The following CHN1 variants were observed in gnomAD, a reference collection of about 807,000 sequenced individuals.
CHN1 encodes the protein chimerin 1.
Under a neutral mutation model 59.5 loss-of-function variants are expected in CHN1, and 37 were observed. The ratio of observed to expected loss-of-function variants is 0.62; its 90% CI spans 0.48 to 0.82. The LOEUF (loss-of-function observed/expected upper bound fraction) is 0.82. Ranked by LOEUF, CHN1 falls within the 40% of genes least tolerant of loss-of-function variation. CHN1 has a pLI of 0.00. For missense variants in CHN1, 469 were observed against 571.0 expected (o/e 0.82, Z 1.82); for synonymous variants, 206 against 200.4 (o/e 1.03, Z -0.24).
intron 6 of CHN1, chr2:174,847,800 A>T (rs933778146): frequency 2.0e-6 from 1 of 512,336 alleles, no homozygotes; most frequent in South Asian, 1.6e-5. Flanking sequence ...AAAAAAAAAA[A>T]ATCAGTGGGA....
intron 5 of CHN1, among the ~76,000 whole-genome samples, chr2:174,892,633 T>C (rs1214029356): frequency 6.6e-6 from 1 of 152,192 alleles, no homozygotes; most frequent in Non-Finnish European, 1.5e-5. Context: ...AGCATTACTG[T>C]GATACCAAAG....
rs375072055 is a variant in CHN1 at position 174,800,171 on chromosome 2, C to T, written c.1325G>A (p.Arg442Gln). The change falls in exon 13 of 13, where the codon CGG becomes CAG. Residue 442 changes from arginine to glutamine, a missense_variant. Arg to Gln is a conservative substitution (Grantham distance 43). Around this residue, in one of 5 missense-constraint regions of CHN1, gnomAD observed 225 missense variants for 289.9 expected, o/e 0.78. Coordinates refer to ENST00000409900, the MANE Select transcript of CHN1 (RefSeq NM_001822.7). ...LDAMAALNDI[R>Q]YQRLVVELLI... ...CAGCTCCACCACCAGTCTCTGATAC[C>T]GTATATCATTCAATGCAGCCATGGC... is the stretch of plus-strand genomic sequence containing the variant. 3.9e-6 allele frequency: 6 copies of T among 1,542,982 alleles called. No homozygotes were observed. The highest frequency in any genetic ancestry group is 5.2e-6 in the Non-Finnish European group (6 of 1,150,206).
intron 1 of CHN1, among the ~76,000 whole-genome samples, chr2:174,970,172 TA>T (rs981349657): frequency 6.6e-6 from 1 of 151,942 alleles, no homozygotes; most frequent in Non-Finnish European, 1.5e-5. Flanking sequence ...GTCATTCTGT[TA>T]AAAAAAAGTG....
At chr2:174,911,826 C>G (rs1242103116) in intron 5 of CHN1, among the ~76,000 whole-genome samples, 2 of 152,096 alleles carry the variant, frequency 1.3e-5, no homozygotes, top group Non-Finnish European at 2.9e-5. Flanking sequence ...AACTCTGTGC[C>G]CTACTTAAAC....
intron 5 of CHN1, among the ~76,000 whole-genome samples, chr2:174,911,042 G>C (rs1688688571): frequency 6.6e-6 from 1 of 151,684 alleles, no homozygotes; most frequent in Non-Finnish European, 1.5e-5. Flanking sequence ...TGAAAATTTT[G>C]GAACTAAATA....
At chr2:174,839,533 TTGAG>T (rs140268219) in intron 7 of CHN1, among the ~76,000 whole-genome samples, 124 of 152,202 alleles carry the variant, frequency 8.1e-4, no homozygotes, top group East Asian at 2.7e-3. Context: ...TTATAATAGA[TTGAG>T]TATCTTCTAG....
At chr2:174,838,985 C>A (rs534056160) in intron 7 of CHN1, among the ~76,000 whole-genome samples, 1 of 151,360 alleles carries the variant, frequency 6.6e-6, no homozygotes, top group East Asian at 1.9e-4. Flanking sequence ...CCACTGCACT[C>A]CAGCCTCGGC....
chr2:174,839,649 G>T (rs1198838313), intron 7 of CHN1, among the ~76,000 whole-genome samples: 1 of 150,926 alleles, frequency 6.6e-6, no homozygotes, highest in Non-Finnish European at 1.5e-5. Context: ...TATCGTCCAG[G>T]CCATATTGCA....
At chr2:174,969,720 G>A (rs1368289262) in intron 1 of CHN1, among the ~76,000 whole-genome samples, 2 of 151,506 alleles carry the variant, frequency 1.3e-5, no homozygotes, top group African/African-American at 4.9e-5. Context: ...AGTACTTCTT[G>A]CTATCTAAAA....
chr2:174,857,855 C>T (rs1015652051), intron 6 of CHN1, among the ~76,000 whole-genome samples: 26 of 152,244 alleles, frequency 1.7e-4, no homozygotes, highest in Admixed American at 8.5e-4. Context: ...AACACTTTGT[C>T]AACAATAAGG....
rs1378851334 is a variant in CHN1, at chr2:174,823,871, AGTATTTGAT to A, written c.712+554_712+562del. Among the ~76,000 whole-genome samples, 4 of 152,328 alleles carry A rather than the reference AGTATTTGAT, an allele frequency of 2.6e-5. No homozygotes were observed. The East Asian group carries it at 5.8e-4, about 22-fold the overall frequency. On this transcript the variant is annotated intron_variant, in intron 8 of 12. Transcript: ENST00000409900. ...ATATTCATGGTCATATTTTACAAAA[AGTATTTGAT>A]GTATTTGATTTCAAAACATCACACA... is the stretch of plus-strand genomic sequence containing the variant.
At chr2:174,960,636 T>C (rs1050920075) in intron 1 of CHN1, among the ~76,000 whole-genome samples, 3 of 147,936 alleles carry the variant, frequency 2.0e-5, no homozygotes, top group Non-Finnish European at 4.5e-5. Flanking sequence ...AGGTCAGGGG[T>C]TCGAGACCAA....
In CHN1 at chr2:174,799,559, T is replaced by G. The variant is rs1425740467; in HGVS notation, c.*557A>C. 2 of 523,972 alleles carry G rather than the reference T, an allele frequency of 3.8e-6. No homozygotes were observed. Among genetic ancestry groups the G allele is most frequent in the African/African-American group, 3.8e-5 (2 of 53,298 alleles). 32.5% of individuals were successfully genotyped at this position (523,972 alleles called of 1,614,324 possible). On this transcript the variant is annotated 3_prime_UTR_variant, in exon 13 of 13. Coordinates refer to ENST00000409900, the MANE Select transcript of CHN1 (RefSeq NM_001822.7). The stretch of plus-strand genomic sequence containing the variant: ...AAGTAACAAATCTGAAAACACATTT[T>G]GCTTTTGCTGGAAAGAAAGTACTAT...
At chr2:174,910,009 A>G (rs1179271789) in intron 5 of CHN1, among the ~76,000 whole-genome samples, 1 of 152,230 alleles carries the variant, frequency 6.6e-6, no homozygotes, top group Non-Finnish European at 1.5e-5. Flanking sequence ...AGTCTATACT[A>G]CAACTTCATT....
At chr2:174,924,843 ATAAAT>A (rs1016026312) in intron 3 of CHN1, among the ~76,000 whole-genome samples, 13 of 152,240 alleles carry the variant, frequency 8.5e-5, no homozygotes, top group Non-Finnish European at 1.6e-4. Context: ...TCTAAGTTTT[ATAAAT>A]TAATAATAAT....
At chr2:174,922,447 T>C (rs75774559) in intron 3 of CHN1, among the ~76,000 whole-genome samples, 9,989 of 152,230 alleles carry the variant, frequency 0.066, 426 homozygotes, top group Non-Finnish European at 0.099. Flanking sequence ...TCCCAGCACT[T>C]TGAGAGACCA....
At chr2:174,952,005 C>T (rs1690037281) in intron 2 of CHN1, among the ~76,000 whole-genome samples, 159 bp downstream of exon 2, 1 of 152,176 alleles carries the variant, frequency 6.6e-6, no homozygotes, top group African/African-American at 2.4e-5. Flanking sequence ...TGTGTAAACA[C>T]TTACTTAACC....
At chr2:174,800,334 G>A (rs1684680264) in intron 12 of CHN1, 47 bp from the exon 13 acceptor site, 1 of 1,330,088 alleles carries the variant, frequency 7.5e-7, no homozygotes, top group African/African-American at 1.5e-5. Flanking sequence ...TAAGCCATAT[G>A]TTCTTCATTG....
chr2:174,845,274 A>C (rs1269100554), intron 7 of CHN1, among the ~76,000 whole-genome samples: 2 of 152,132 alleles, frequency 1.3e-5, no homozygotes, highest in Non-Finnish European at 2.9e-5. Flanking sequence ...CTTTGGAGAT[A>C]TATTTAAGAT....
Sources: allele counts gnomAD v4.1 joint callset (sites outside exome capture counted in the v4.1 genomes callset), GRCh38; gene constraint gnomAD v4.1.1; regional missense constraint gnomAD v4.1.1; transcripts MANE v1.5; gene names NCBI Gene and HGNC (gene_info 2026-07-23, HGNC 2026-07-21).